The following DLGAP1 variants were observed in gnomAD, a reference collection of about 807,000 sequenced individuals.
DLGAP1 encodes the protein DLG associated protein 1.
In DLGAP1, 11 loss-of-function variants were observed where a neutral mutation model predicts 90.8. The ratio of observed to expected loss-of-function variants is 0.12; its 90% CI spans 0.08 to 0.20. The LOEUF (loss-of-function observed/expected upper bound fraction) is 0.20. Ranked by LOEUF, DLGAP1 falls within the 10% of genes least tolerant of loss-of-function variation. The pLI, the probability that DLGAP1 is intolerant of heterozygous loss-of-function variation, is 1.00. For missense variants in DLGAP1, 1,050 were observed against 1,333.8 expected (o/e 0.79, Z 3.31); for synonymous variants, 558 against 540.7 (o/e 1.03, Z -0.44).
chr18:4,443,647 C>A (rs112529716), intron 1 of DLGAP1, among the ~76,000 whole-genome samples: 2 of 152,150 alleles, frequency 1.3e-5, no homozygotes, highest in African/African-American at 4.8e-5. Context: ...AACAAATACA[C>A]CTTTGGAACA....
chr18:4,193,665 G>A (rs1157601890), intron 1 of DLGAP1, among the ~76,000 whole-genome samples: 2 of 152,078 alleles, frequency 1.3e-5, no homozygotes, highest in Non-Finnish European at 1.5e-5. Context: ...TATGGTATTT[G>A]GAGAAAAATA....
intron 1 of DLGAP1, among the ~76,000 whole-genome samples, chr18:4,237,440 C>T (rs2078441951): frequency 1.3e-5 from 2 of 151,960 alleles, no homozygotes; most frequent in African/African-American, 4.8e-5. Context: ...AAATGAAAGA[C>T]AGAAAAAACG....
chr18:4,242,999 C>T (rs149791336), intron 1 of DLGAP1, among the ~76,000 whole-genome samples: 11 of 152,226 alleles, frequency 7.2e-5, no homozygotes, highest in African/African-American at 2.6e-4. Context: ...CAGTGGCCCT[C>T]ATCACACTGG....
intron 1 of DLGAP1, among the ~76,000 whole-genome samples, chr18:4,231,839 T>C (rs1052995488): frequency 6.6e-6 from 1 of 152,116 alleles, no homozygotes; most frequent in Non-Finnish European, 1.5e-5. Flanking sequence ...AGAGAAGAAA[T>C]GAACATTAAA....
chr18:3,850,467 A>G (rs978147305), intron 4 of DLGAP1, among the ~76,000 whole-genome samples: 2 of 152,156 alleles, frequency 1.3e-5, no homozygotes, highest in Non-Finnish European at 2.9e-5. Context: ...AATTTTCCCA[A>G]TGAAGACATT....
At position 3,599,122 on chromosome 18, in the gene DLGAP1, C is replaced by CA. The variant is rs68143822; in HGVS notation, c.1592-16875dup. Among the ~76,000 whole-genome samples the CA allele has an allele frequency of 6.7e-4, 102 of 152,262 alleles. No homozygotes were observed. In the South Asian group the frequency reaches 8.7e-3, roughly 13 times the overall value. On this transcript the variant is annotated intron_variant, in intron 7 of 12. Transcript: ENST00000315677. ...TTTCTGTTAGGTACTTGTCATTTGC[C>CA]AAAATTAAATAAAAACAGTCTAGGA...
At chr18:3,939,562 G>A (rs1422606155) in intron 3 of DLGAP1, among the ~76,000 whole-genome samples, 23 of 151,902 alleles carry the variant, frequency 1.5e-4, no homozygotes. Flanking sequence ...ACACCATTCT[G>A]TTCATGTAAT....
chr18:4,321,356 C>T (rs1598894169), intron 1 of DLGAP1, among the ~76,000 whole-genome samples: 1 of 152,174 alleles, frequency 6.6e-6, no homozygotes, highest in South Asian at 2.1e-4. Flanking sequence ...AGTAAAAGTA[C>T]TCAATCATTG....
chr18:3,573,630 A>G (rs942113209), intron 8 of DLGAP1, among the ~76,000 whole-genome samples: 2 of 150,344 alleles, frequency 1.3e-5, no homozygotes, highest in African/African-American at 2.5e-5. Context: ...CATTTGTGAA[A>G]GGTTTTTTTT....
chr18:3,718,571 G>A (rs1020518501), intron 7 of DLGAP1, among the ~76,000 whole-genome samples: 1 of 152,130 alleles, frequency 6.6e-6, no homozygotes, highest in African/African-American at 2.4e-5. Context: ...TGACAGAATT[G>A]TGGCCATTTG....
Position 4,256,400 on chromosome 18 carries a change from T to TAATA in DLGAP1, c.-266-105117_-266-105114dup, listed in dbSNP as rs1031416670. On this transcript the variant is annotated intron_variant, in intron 1 of 12. Coordinates refer to ENST00000315677, the MANE Select transcript of DLGAP1 (RefSeq NM_004746.4). ...GGGTGACACAGTGAGATCCCCTCTA[T>TAATA]AATAAATAAATAAATACATAAAATA... Among the ~76,000 whole-genome samples, 7 of 152,236 alleles carry TAATA rather than the reference T, an allele frequency of 4.6e-5. No homozygotes were observed. In the East Asian group the frequency reaches 5.8e-4, roughly 13 times the overall value.
intron 5 of DLGAP1, among the ~76,000 whole-genome samples, chr18:3,768,601 C>G (rs1372660382): frequency 6.6e-6 from 1 of 152,144 alleles, no homozygotes. Context: ...GGTAGGAACA[C>G]AGACCAGTGC....
intron 1 of DLGAP1, among the ~76,000 whole-genome samples, chr18:4,421,126 C>G (rs1429167874): frequency 1.3e-5 from 2 of 152,316 alleles, no homozygotes; most frequent in East Asian, 1.9e-4. Context: ...TCTCCCTCTT[C>G]TTGAGGCCAG....
At chr18:4,197,358 G>A (rs909071965) in intron 1 of DLGAP1, among the ~76,000 whole-genome samples, 3 of 152,082 alleles carry the variant, frequency 2.0e-5, no homozygotes, top group African/African-American at 7.2e-5. Flanking sequence ...ATGCCCTGGG[G>A]TGGGTAGTAT....
chr18:4,069,714 C>T (rs150004608), intron 2 of DLGAP1, among the ~76,000 whole-genome samples: 5,100 of 152,208 alleles, frequency 0.034, 106 homozygotes, highest in Non-Finnish European at 0.043. Context: ...CTTCCCATAC[C>T]GTTTGCAGAA....
intron 4 of DLGAP1, among the ~76,000 whole-genome samples, chr18:3,860,427 T>C (rs1432628360): frequency 6.6e-6 from 1 of 152,196 alleles, no homozygotes; most frequent in Non-Finnish European, 1.5e-5. Flanking sequence ...CCCTGTATGA[T>C]AGGTATTTTT....
chr18:4,203,092 T>A (rs1160333901), intron 1 of DLGAP1, among the ~76,000 whole-genome samples: 1 of 151,992 alleles, frequency 6.6e-6, no homozygotes, highest in Non-Finnish European at 1.5e-5. Flanking sequence ...CTGGCCATCA[T>A]GATGAAACCT....
At chr18:4,094,610 T>TC (rs1598392770) in intron 2 of DLGAP1, among the ~76,000 whole-genome samples, 1 of 146,952 alleles carries the variant, frequency 6.8e-6, no homozygotes, top group East Asian at 1.9e-4. Flanking sequence ...TCTCTTTCTT[T>TC]TTTTTTTTTT....
chr18:4,078,121 A>G (rs2075551471), intron 2 of DLGAP1, among the ~76,000 whole-genome samples: 1 of 152,178 alleles, frequency 6.6e-6, no homozygotes, highest in Non-Finnish European at 1.5e-5. Flanking sequence ...TCTCAGGGAA[A>G]TAAGTTACTA....
Sources: gnomAD v4.1 joint callset for allele counts (sites outside exome capture counted in the v4.1 genomes callset) on GRCh38, gnomAD v4.1.1 for gene constraint, MANE v1.5 for transcripts, NCBI Gene and HGNC (gene_info 2026-07-23, HGNC 2026-07-21) for gene names.